TNIK: variants seen among roughly 807,000 people sequenced by gnomAD.
TNIK encodes TRAF2 and NCK-interacting protein kinase.
TNIK carries 49 observed loss-of-function variants against 191.3 expected under a neutral mutation model. That is an observed-to-expected ratio of 0.26 (90% CI 0.20 to 0.32). The LOEUF (loss-of-function observed/expected upper bound fraction) is 0.32, where lower values mean the gene tolerates loss of function less well. Among genes scored for constraint, TNIK ranks in the 10% least tolerant of loss-of-function variants. TNIK has a pLI of 1.00. For synonymous variants in TNIK, 594 were observed against 600.9 expected (o/e 0.99, Z 0.17); for missense variants, 1,155 against 1,702.3 (o/e 0.68, Z 5.66).
intron 21 of TNIK, among the ~76,000 whole-genome samples, chr3:171,103,145 C>A (rs1007446922): frequency 6.6e-6 from 1 of 151,936 alleles, no homozygotes. Context: ...AAAAATTCAA[C>A]CTTTGCATTA....
chr3:171,113,549 T>C (rs977024877), intron 18 of TNIK, among the ~76,000 whole-genome samples: 3 of 150,768 alleles, frequency 2.0e-5, no homozygotes, highest in Non-Finnish European at 4.4e-5. Flanking sequence ...GAGCTTGCAG[T>C]GAGCGGAGAT....
chr3:171,081,000 G>T (rs1278240972), intron 27 of TNIK, among the ~76,000 whole-genome samples: 5 of 152,176 alleles, frequency 3.3e-5, no homozygotes, highest in Non-Finnish European at 7.3e-5. Flanking sequence ...ATGAGAAAAG[G>T]AAACTCTTAC....
rs1179521321 is a variant in TNIK at position 171,416,593 on chromosome 3, C to T, written c.57+43414G>A. On this transcript the variant is annotated intron_variant, in intron 1 of 32. Coordinates refer to ENST00000436636, the MANE Select transcript of TNIK (RefSeq NM_015028.4). ...ACTCTACAATATTTAAAGCCAATGT[C>T]CAATTTATCACTATTCACCCCTGCA... Among the ~76,000 whole-genome samples the T allele has an allele frequency of 2.6e-5, 4 of 152,230 alleles. No homozygotes were observed. The East Asian group carries it at 5.8e-4, about 22-fold the overall frequency.
chr3:171,243,015 A>G (rs1181857438), intron 2 of TNIK, among the ~76,000 whole-genome samples: 1 of 152,188 alleles, frequency 6.6e-6, no homozygotes, highest in Non-Finnish European at 1.5e-5. Flanking sequence ...CATAAGTTCT[A>G]TTTAGAATTT....
rs1328459809 is a variant in TNIK, at chr3:171,171,826, G to A, written c.773+3426C>T. 2.6e-5 allele frequency among the ~76,000 whole-genome samples: 4 copies of A among 152,322 alleles called. No homozygotes were observed. In the Middle Eastern group the frequency reaches 0.014, roughly 518 times the overall value. ...CACAAGAGACAGGAAGAGAGAATGG[G>A]TATCCCAGTCTTGCTTTTCACTTGC... is the stretch of plus-strand genomic sequence containing the variant. On this transcript the variant is annotated intron_variant, in intron 9 of 32. Transcript: ENST00000436636.
intron 2 of TNIK, among the ~76,000 whole-genome samples, chr3:171,364,416 A>G (rs1577645279): frequency 6.6e-6 from 1 of 152,246 alleles, no homozygotes; most frequent in East Asian, 1.9e-4. Context: ...GTGCAAATAT[A>G]TTTTTCTAAA....
At chr3:171,184,036 T>C (rs1737057793) in intron 7 of TNIK, among the ~76,000 whole-genome samples, 3 of 151,656 alleles carry the variant, frequency 2.0e-5, no homozygotes, top group Non-Finnish European at 4.4e-5. Flanking sequence ...ACTTACCAAG[T>C]GGTGGACACT....
intron 1 of TNIK, among the ~76,000 whole-genome samples, chr3:171,387,842 C>T (rs1017804238): frequency 6.6e-6 from 1 of 152,086 alleles, no homozygotes; most frequent in Non-Finnish European, 1.5e-5. Flanking sequence ...TTTGCGGTAT[C>T]TTACAGGTGG....
chr3:171,167,076 A>G lies in TNIK; in HGVS notation c.949+19T>C, dbSNP rs1484328155. ...TCCATCTTTTGTTTCTGCTGCTGAA[A>G]TACAAATGTGCGTCTAACCTTTTTC... On this transcript the variant is annotated intron_variant, in intron 10 of 32. Coordinates refer to ENST00000436636, the MANE Select transcript of TNIK (RefSeq NM_015028.4). The G allele has an allele frequency of 2.5e-6, 4 of 1,603,972 alleles. No individual in the cohort carries two copies. The East Asian group carries it at 8.9e-5, about 36-fold the overall frequency.
intron 3 of TNIK, among the ~76,000 whole-genome samples, chr3:171,216,118 G>A (rs915082484): frequency 9.2e-5 from 14 of 152,146 alleles, no homozygotes; most frequent in African/African-American, 3.4e-4. Context: ...GTGGCAAAAA[G>A]TAGGAGACAC....
intron 1 of TNIK, among the ~76,000 whole-genome samples, chr3:171,381,792 GTTC>G (rs1435280168): frequency 6.6e-6 from 1 of 152,202 alleles, no homozygotes; most frequent in African/African-American, 2.4e-5. Flanking sequence ...TGGGAGAAGG[GTTC>G]TTCTGTCTTC....
At chr3:171,215,290 TG>T (rs755018128) in intron 3 of TNIK, among the ~76,000 whole-genome samples, 19 of 152,170 alleles carry the variant, frequency 1.2e-4, no homozygotes, top group Non-Finnish European at 2.4e-4. Flanking sequence ...GATGGCAACA[TG>T]ATTGTCATCA....
chr3:171,069,023 C>A, intron 29 of TNIK, 26 bp from the exon 30 acceptor site: 1 of 1,595,282 alleles, frequency 6.3e-7, no homozygotes, highest in Admixed American at 1.8e-5. Context: ...CATTAGTATC[C>A]GCATCACTCA....
chr3:171,169,761 ATTAG>A (rs1167885134), intron 9 of TNIK, among the ~76,000 whole-genome samples: 1 of 152,228 alleles, frequency 6.6e-6, no homozygotes, highest in African/African-American at 2.4e-5. Flanking sequence ...GTTTAATGAA[ATTAG>A]TTATTAAACA....
At chr3:171,389,617 A>G (rs934872785) in intron 1 of TNIK, among the ~76,000 whole-genome samples, 10 of 152,180 alleles carry the variant, frequency 6.6e-5, no homozygotes, top group African/African-American at 2.4e-4. Context: ...GAATCATTTA[A>G]CGGAACATAG....
At chr3:171,197,679 A>G (rs1047100134) in intron 4 of TNIK, among the ~76,000 whole-genome samples, 2 of 152,246 alleles carry the variant, frequency 1.3e-5, no homozygotes, top group African/African-American at 4.8e-5. Context: ...GTCATTAGGA[A>G]AATACAAACC....
chr3:171,375,949 A>G (rs7636254), intron 1 of TNIK, among the ~76,000 whole-genome samples: 42,785 of 152,060 alleles, frequency 0.28, 6,260 homozygotes, highest in Non-Finnish European at 0.31. Context: ...TGGCAGGGTA[A>G]AATACACCCA....
intron 1 of TNIK, among the ~76,000 whole-genome samples, chr3:171,411,398 G>A (rs1722400486): frequency 1.3e-5 from 2 of 151,624 alleles, no homozygotes; most frequent in Non-Finnish European, 2.9e-5. Context: ...CCAAGTTTGG[G>A]GAATTTATTA....
At chr3:171,345,290 G>A (rs1424318618) in intron 2 of TNIK, among the ~76,000 whole-genome samples, 2 of 152,146 alleles carry the variant, frequency 1.3e-5, no homozygotes, top group East Asian at 3.8e-4. Context: ...AGTAATTAAT[G>A]AGCCCTGCAA....
Sources: gnomAD v4.1 joint callset for allele counts (sites outside exome capture counted in the v4.1 genomes callset) on GRCh38, gnomAD v4.1.1 for gene constraint, MANE v1.5 for transcripts, NCBI Gene and HGNC (gene_info 2026-07-23, HGNC 2026-07-21) for gene names.